MRPS25: variants seen among roughly 807,000 people sequenced by gnomAD.
The protein encoded by MRPS25 is small ribosomal subunit protein mS25.
A neutral mutation model predicts 17.3 loss-of-function variants in MRPS25; 15 were observed. The ratio of observed to expected loss-of-function variants is 0.87; its 90% CI spans 0.58 to 1.34. The LOEUF is 1.34. Ranked by LOEUF, MRPS25 falls within the 40% of genes most tolerant of loss-of-function variation. MRPS25 has a pLI of 0.00. For synonymous variants in MRPS25, 94 were observed against 83.3 expected (o/e 1.13, Z -0.70); for missense variants, 225 against 218.6 (o/e 1.03, Z -0.19).
downstream of MRPS25, chr3:15,047,193 GAT>G (rs2042487604): frequency 3.3e-5 from 5 of 152,624 alleles, no homozygotes; most frequent in Admixed American, 3.3e-4. Context: ...AATGTAAACT[GAT>G]ATGGGTGTTC....
intron 1 of MRPS25, among the ~76,000 whole-genome samples, chr3:15,060,949 A>C (rs1035768920): frequency 8.5e-5 from 13 of 152,116 alleles, no homozygotes; most frequent in African/African-American, 3.1e-4. Context: ...GAGGCCTTGG[A>C]GACCCTCACA....
intron 2 of MRPS25, among the ~76,000 whole-genome samples, chr3:15,058,485 G>A (rs531243286): frequency 1.1e-4 from 17 of 152,330 alleles, no homozygotes; most frequent in African/African-American, 3.4e-4. Context: ...CACTGTGCTT[G>A]GCCCTAATCT....
intron 2 of MRPS25, among the ~76,000 whole-genome samples, chr3:15,057,622 A>T (rs76222037): frequency 0.019 from 2,947 of 152,318 alleles, 41 homozygotes; most frequent in Non-Finnish European, 0.028. Flanking sequence ...GTGGAAGGGA[A>T]ATTAACCAGA....
chr3:15,045,563 TTTC>T (rs1421291720), downstream of MRPS25: 14 of 152,786 alleles, frequency 9.2e-5, no homozygotes, highest in Non-Finnish European at 1.3e-4. Context: ...GAAGTGGCCT[TTTC>T]TTTAAGGATC....
intron 3 of MRPS25, 98 bp downstream of exon 3, chr3:15,053,282 G>A: frequency 1.3e-6 from 2 of 1,571,252 alleles, no homozygotes; most frequent in Non-Finnish European, 1.7e-6. Context: ...CACTGTCAGA[G>A]AATCTTACCT....
intron 2 of MRPS25, among the ~76,000 whole-genome samples, chr3:15,058,849 T>C (rs2125135643): frequency 6.6e-6 from 1 of 152,084 alleles, no homozygotes; most frequent in African/African-American, 2.4e-5. Flanking sequence ...CTTAATGGAA[T>C]AAACATCACT....
intron 1 of MRPS25, among the ~76,000 whole-genome samples, chr3:15,063,624 G>C (rs1279919736): frequency 6.6e-6 from 1 of 152,150 alleles, no homozygotes; most frequent in Non-Finnish European, 1.5e-5. Context: ...TTTACCTAGA[G>C]GACATTAAAA....
chr3:15,064,324 T>A (rs986488782), intron 1 of MRPS25, among the ~76,000 whole-genome samples: 3 of 152,166 alleles, frequency 2.0e-5, no homozygotes, highest in African/African-American at 7.2e-5. Context: ...ACTTGCCAAC[T>A]GCCATTCAAT....
At chr3:15,055,561 C>T (rs2042660004) in intron 2 of MRPS25, among the ~76,000 whole-genome samples, 1 of 151,990 alleles carries the variant, frequency 6.6e-6, no homozygotes, top group Admixed American at 6.5e-5. Flanking sequence ...AGACAAAACA[C>T]AAAAGATTGG....
In MRPS25 at chr3:15,049,718, C is replaced by T. The variant is rs780019201; in HGVS notation, c.*2723G>A. On this transcript the variant is annotated 3_prime_UTR_variant, in exon 4 of 4. Coordinates refer to ENST00000253686, the MANE Select transcript of MRPS25 (RefSeq NM_022497.5). Reference sequence around the variant, plus strand: ...ATTATGTCATCTGACCTCTCATGTTCCAGGTGAAAATTCTGAGGTCCAAAG... The same window carrying T: ...ATTATGTCATCTGACCTCTCATGTTTCAGGTGAAAATTCTGAGGTCCAAAG... The T allele has an allele frequency of 1.7e-6, 1 of 579,582 alleles. No homozygotes were observed. The highest frequency in any genetic ancestry group is 3.0e-6 in the Non-Finnish European group (1 of 334,072). 35.9% of individuals were successfully genotyped at this position (579,582 alleles called of 1,614,324 possible). A position where few individuals can be genotyped will look rare whatever the true frequency, so the allele number is the denominator to read the frequency against.
chr3:15,060,514 T>TAAAAA (rs1169495283), intron 1 of MRPS25, among the ~76,000 whole-genome samples: 1 of 89,524 alleles, frequency 1.1e-5, no homozygotes, highest in African/African-American at 4.2e-5. Context: ...AGGTCCTCTC[T>TAAAAA]CAAAAAAAAA....
In MRPS25 at chr3:15,051,923, A is replaced by C; in HGVS notation, c.*518T>G. The C allele has an allele frequency of 1.0e-6, 1 of 985,612 alleles. No individual in the cohort carries two copies. Among genetic ancestry groups the C allele is most frequent in the African/African-American group, 1.7e-5 (1 of 57,370 alleles). The allele number at this position is 985,612 out of a possible 1,614,324, so 61.1% of individuals were successfully genotyped here. A position where few individuals can be genotyped will look rare whatever the true frequency, so the allele number is the denominator to read the frequency against. On this transcript the variant is annotated 3_prime_UTR_variant, in exon 4 of 4. Coordinates refer to ENST00000253686, the MANE Select transcript of MRPS25 (RefSeq NM_022497.5). ...GTAATCAACTGTACTTAAAAAAGTG[A>C]GCACTGCACGAAGGGTTGCCTTTGG...
chr3:15,064,631 G>T (rs1450797435), intron 1 of MRPS25, among the ~76,000 whole-genome samples: 4 of 152,244 alleles, frequency 2.6e-5, no homozygotes, highest in African/African-American at 9.6e-5. Context: ...AGAACTGTGC[G>T]AGATATGATC....
intron 2 of MRPS25, among the ~76,000 whole-genome samples, chr3:15,056,428 G>A (rs557430387): frequency 6.6e-6 from 1 of 152,252 alleles, no homozygotes; most frequent in South Asian, 2.1e-4. Flanking sequence ...ACAGCAAAAG[G>A]GACTCTGCAG....
At chr3:15,059,240 G>C in intron 2 of MRPS25, 129 bp downstream of exon 2, 1 of 678,114 alleles carries the variant, frequency 1.5e-6, no homozygotes, top group South Asian at 1.7e-5. Context: ...GGAAGCCAAA[G>C]GTGCCAGGAG....
At chr3:15,054,188 G>A (rs2042641511) in intron 2 of MRPS25, among the ~76,000 whole-genome samples, 1 of 151,890 alleles carries the variant, frequency 6.6e-6, no homozygotes, top group South Asian at 2.1e-4. Flanking sequence ...TCCAGTCTGG[G>A]CAACAGTGTG....
chr3:15,045,640 T>A (rs1309553635), downstream of MRPS25: 1 of 152,678 alleles, frequency 6.5e-6, no homozygotes, highest in African/African-American at 2.4e-5. Context: ...GCAGGTCCAT[T>A]TCATCTCCTG....
chr3:15,053,808 A>T (rs1347122751), intron 2 of MRPS25, among the ~76,000 whole-genome samples: 1 of 152,232 alleles, frequency 6.6e-6, no homozygotes, highest in Non-Finnish European at 1.5e-5. Context: ...GTTTCTGTAG[A>T]AACTTAGAAA....
chr3:15,059,596 G>T, intron 1 of MRPS25, 121 bp from the exon 2 acceptor site: 1 of 733,304 alleles, frequency 1.4e-6, no homozygotes, highest in Non-Finnish European at 2.3e-6. Flanking sequence ...ACCCAAAAAG[G>T]CTGAGAAAAA....
Sources: gnomAD v4.1 joint callset for allele counts (sites outside exome capture counted in the v4.1 genomes callset) on GRCh38, gnomAD v4.1.1 for gene constraint, MANE v1.5 for transcripts, NCBI Gene and HGNC (gene_info 2026-07-23, HGNC 2026-07-21) for gene names.